The following THSD7B variants were observed in gnomAD, a reference collection of about 807,000 sequenced individuals.
THSD7B encodes thrombospondin type-1 domain-containing protein 7B.
A neutral mutation model predicts 213.6 loss-of-function variants in THSD7B; 138 were observed. That is an observed-to-expected ratio of 0.65 (90% CI 0.56 to 0.74). The LOEUF (loss-of-function observed/expected upper bound fraction) is 0.74. Ranked by LOEUF, THSD7B falls within the 30% of genes least tolerant of loss-of-function variation. The probability of loss-of-function intolerance (pLI) is 0.00; values close to 1 mark genes in which losing one functional copy is unlikely to be tolerated. For synonymous variants in THSD7B, 742 were observed against 687.0 expected (o/e 1.08, Z -1.25); for missense variants, 1,931 against 1,991.5 (o/e 0.97, Z 0.58).
chr2:136,852,727 T>G (rs935800868), intron 1 of THSD7B, among the ~76,000 whole-genome samples: 3 of 152,228 alleles, frequency 2.0e-5, no homozygotes, highest in Non-Finnish European at 4.4e-5. Flanking sequence ...TAAAAACTAT[T>G]TTCATTTTAT....
chr2:136,786,098 T>C (rs1033264374), intron 1 of THSD7B, among the ~76,000 whole-genome samples: 6 of 152,132 alleles, frequency 3.9e-5, no homozygotes, highest in African/African-American at 1.4e-4. Flanking sequence ...TAAAACACAG[T>C]CTTGTGTTAT....
chr2:137,025,699 A>C (rs1363721647), intron 2 of THSD7B, among the ~76,000 whole-genome samples: 1 of 152,088 alleles, frequency 6.6e-6, no homozygotes, highest in Non-Finnish European at 1.5e-5. Context: ...CTCACTTCTT[A>C]AAATATTTAG....
At chr2:137,290,371 G>A (rs1376867297) in intron 12 of THSD7B, among the ~76,000 whole-genome samples, 2 of 152,106 alleles carry the variant, frequency 1.3e-5, no homozygotes, top group East Asian at 1.9e-4. Context: ...TTACAGGCGT[G>A]AGCCACAGCG....
At chr2:136,936,610 A>T (rs1684735180) in intron 2 of THSD7B, among the ~76,000 whole-genome samples, 1 of 152,170 alleles carries the variant, frequency 6.6e-6, no homozygotes, top group African/African-American at 2.4e-5. Context: ...CATAAGTGGG[A>T]ACTAAGCTAT....
intron 1 of THSD7B, among the ~76,000 whole-genome samples, chr2:136,862,789 G>T (rs1683274936): frequency 2.0e-5 from 3 of 152,198 alleles, no homozygotes; most frequent in South Asian, 2.1e-4. Context: ...AATATGAGCA[G>T]ACTACAAAAC....
At chr2:136,814,286 G>A (rs2104932552) in intron 1 of THSD7B, among the ~76,000 whole-genome samples, 1 of 152,262 alleles carries the variant, frequency 6.6e-6, no homozygotes, top group South Asian at 2.1e-4. Flanking sequence ...GCCTCGGAAT[G>A]GGCTTGCTGG....
chr2:136,978,568 C>T (rs762741612), intron 2 of THSD7B, among the ~76,000 whole-genome samples: 19 of 151,976 alleles, frequency 1.3e-4, no homozygotes, highest in Non-Finnish European at 2.8e-4. Context: ...TCTTTTGGAT[C>T]TTTGTTAAAG....
At chr2:136,813,818 T>C (rs934485534) in intron 1 of THSD7B, among the ~76,000 whole-genome samples, 2 of 152,242 alleles carry the variant, frequency 1.3e-5, no homozygotes, top group East Asian at 3.8e-4. Context: ...ATTTCTCTTT[T>C]AGAGTTCATT....
chr2:136,816,896 G>C (rs1009259866), intron 1 of THSD7B, among the ~76,000 whole-genome samples: 1 of 152,170 alleles, frequency 6.6e-6, no homozygotes, highest in East Asian at 1.9e-4. Context: ...TTGCTGGTGT[G>C]TTAAGAAAAC....
intron 2 of THSD7B, among the ~76,000 whole-genome samples, chr2:136,965,202 C>A (rs764408046): frequency 1.3e-5 from 2 of 152,150 alleles, no homozygotes; most frequent in Non-Finnish European, 2.9e-5. Context: ...ACAGTTAACA[C>A]GGCTTCTACA....
rs1052561536 is a variant in THSD7B at position 137,581,691 on chromosome 2, C to T, written c.3423+9135C>T. ...AGGAGAATGGCGTGAACCCGGGAGGCGGAGCTTGCAGTGAGCCGAGATCCC... is the reference window on the plus strand; with the variant it reads ...AGGAGAATGGCGTGAACCCGGGAGGTGGAGCTTGCAGTGAGCCGAGATCCC... On this transcript the variant is annotated intron_variant, in intron 17 of 27. Transcript: ENST00000409968. Among the ~76,000 whole-genome samples, 346 of 147,778 alleles carry T rather than the reference C, an allele frequency of 2.3e-3. 1 individual carries two copies. The highest frequency in any genetic ancestry group is 8.0e-3 in the African/African-American group (322 of 40,226).
At chr2:137,618,536 C>G (rs751903814) in intron 19 of THSD7B, 29 bp downstream of exon 19, 17 of 1,591,198 alleles carry the variant, frequency 1.1e-5, no homozygotes, top group Non-Finnish European at 1.5e-5. Flanking sequence ...TATCTCACAT[C>G]CAAGGCTTTG....
chr2:137,177,438 G>A (rs1558948113), intron 7 of THSD7B, among the ~76,000 whole-genome samples: 1 of 152,072 alleles, frequency 6.6e-6, no homozygotes, highest in Non-Finnish European at 1.5e-5. Flanking sequence ...AGGAAAATTG[G>A]GTCTGAAATG....
intron 15 of THSD7B, among the ~76,000 whole-genome samples, chr2:137,488,556 A>G (rs1688527584): frequency 6.6e-6 from 1 of 152,310 alleles, no homozygotes; most frequent in African/African-American, 2.4e-5. Context: ...ATGAAATTAG[A>G]AGTAGAGGTT....
At chr2:137,178,168 G>A (rs1680393522) in intron 7 of THSD7B, among the ~76,000 whole-genome samples, 1 of 148,968 alleles carries the variant, frequency 6.7e-6, no homozygotes, top group Non-Finnish European at 1.5e-5. Context: ...AAATATTCCA[G>A]AAGCAAGCAG....
chr2:137,425,762 C>G (rs980519546), intron 14 of THSD7B, among the ~76,000 whole-genome samples: 1 of 152,160 alleles, frequency 6.6e-6, no homozygotes, highest in South Asian at 2.1e-4. Context: ...AAAGCTTTTT[C>G]TCTGTGATCA....
intron 11 of THSD7B, among the ~76,000 whole-genome samples, chr2:137,274,210 A>G (rs577630890): frequency 6.6e-6 from 1 of 152,228 alleles, no homozygotes; most frequent in African/African-American, 2.4e-5. Flanking sequence ...TTTGAGCAAT[A>G]TAGTTCCAAT....
At chr2:137,582,197 A>G (rs760054097) in intron 17 of THSD7B, among the ~76,000 whole-genome samples, 5 of 152,062 alleles carry the variant, frequency 3.3e-5, no homozygotes, top group African/African-American at 9.7e-5. Context: ...CTGGTTCAAG[A>G]TGTTTCTCTC....
At chr2:137,635,476 A>T (rs1051423729) in intron 20 of THSD7B, among the ~76,000 whole-genome samples, 1 of 152,302 alleles carries the variant, frequency 6.6e-6, no homozygotes, top group South Asian at 2.1e-4. Flanking sequence ...AGAGTCCAGG[A>T]TACAGTGTTA....
Sources: gnomAD v4.1 joint callset for allele counts (sites outside exome capture counted in the v4.1 genomes callset) on GRCh38, gnomAD v4.1.1 for gene constraint, MANE v1.5 for transcripts, NCBI Gene and HGNC (gene_info 2026-07-23, HGNC 2026-07-21) for gene names.